HIBADH: variants seen among roughly 807,000 people sequenced by gnomAD.
HIBADH encodes 3-hydroxyisobutyrate dehydrogenase, mitochondrial.
In HIBADH, 25 loss-of-function variants were observed where a neutral mutation model predicts 36.1. The ratio of observed to expected loss-of-function variants is 0.69; its 90% confidence interval spans 0.50 to 0.97. The LOEUF is 0.97. Among genes scored for constraint, HIBADH ranks in the 50% least tolerant of loss-of-function variants. HIBADH has a pLI of 0.00. For missense variants in HIBADH, 421 were observed against 418.0 expected, an observed-to-expected ratio of 1.01 and a Z score of -0.06; for synonymous variants, 160 against 149.5, an observed-to-expected ratio of 1.07 and a Z score of -0.51.
chr7:27,554,582 T>A (rs1286860603), intron 4 of HIBADH, among the ~76,000 whole-genome samples: 1 of 152,184 alleles, frequency 6.6e-6, no homozygotes, highest in Non-Finnish European at 1.5e-5. Flanking sequence ...AAAACAGGCA[T>A]AATAATCATG....
chr7:27,649,263 T>G, intron 2 of HIBADH: 1 of 399,684 alleles, frequency 2.5e-6, no homozygotes, highest in Non-Finnish European at 4.4e-6. Context: ...CCAAGTCACC[T>G]GCCAAAGAAT....
At chr7:27,548,425 A>G (rs1339295734) in intron 4 of HIBADH, among the ~76,000 whole-genome samples, 7 of 152,110 alleles carry the variant, frequency 4.6e-5, no homozygotes, top group Admixed American at 3.9e-4. Flanking sequence ...AGGTGGGGGA[A>G]GGGATAAGGA....
At chr7:27,624,670 AAAT>A (rs1785609857) in intron 4 of HIBADH, among the ~76,000 whole-genome samples, 1 of 152,208 alleles carries the variant, frequency 6.6e-6, no homozygotes, top group African/African-American at 2.4e-5. Flanking sequence ...GAACTCTAGA[AAAT>A]ATTATTTCCT....
At position 27,581,923 on chromosome 7, in the gene HIBADH, T is replaced by C. The variant is rs572807705; in HGVS notation, c.485-38823A>G. ...ACACAGATCCTCTAGAAAAAAAATA[T>C]AGTACTTGATTTTAGTCCCCAACTT... On this transcript the variant is annotated intron_variant, in intron 4 of 7. Coordinates refer to ENST00000265395, the MANE Select transcript of HIBADH (RefSeq NM_152740.4). Among the ~76,000 whole-genome samples, 30 of 152,136 alleles carry C rather than the reference T, an allele frequency of 2.0e-4. No individual in the cohort carries two copies. The South Asian group carries it at 3.7e-3, about 19-fold the overall frequency.
intron 4 of HIBADH, among the ~76,000 whole-genome samples, chr7:27,603,280 A>C (rs911689579): frequency 6.6e-6 from 1 of 152,228 alleles, no homozygotes; most frequent in Non-Finnish European, 1.5e-5. Flanking sequence ...GCTGCATTTT[A>C]CCAGGCTAAC....
At chr7:27,649,441 A>T (rs778743923) in intron 2 of HIBADH, 32 bp downstream of exon 2, 1 of 1,536,092 alleles carries the variant, frequency 6.5e-7, no homozygotes, top group Non-Finnish European at 8.8e-7. Context: ...TCATTCTCAA[A>T]ATCTAAAACA....
intron 1 of HIBADH, among the ~76,000 whole-genome samples, chr7:27,652,631 G>A (rs1752754034): frequency 6.6e-6 from 1 of 152,234 alleles, no homozygotes; most frequent in African/African-American, 2.4e-5. Flanking sequence ...ACATGAAGGT[G>A]ACAGCAGATC....
At chr7:27,607,872 C>G (rs925909718) in intron 4 of HIBADH, among the ~76,000 whole-genome samples, 3 of 152,090 alleles carry the variant, frequency 2.0e-5, no homozygotes, top group Admixed American at 6.6e-5. Context: ...GCTGTAAAAG[C>G]CAATTAACTA....
intron 7 of HIBADH, among the ~76,000 whole-genome samples, chr7:27,529,783 C>T (rs554491979): frequency 6.6e-6 from 1 of 152,318 alleles, no homozygotes; most frequent in Non-Finnish European, 1.5e-5. Flanking sequence ...TGCTATCAAA[C>T]AGTAGCACAT....
chr7:27,633,181 T>C (rs1201090750), intron 2 of HIBADH, among the ~76,000 whole-genome samples: 2 of 152,124 alleles, frequency 1.3e-5, no homozygotes, highest in East Asian at 1.9e-4. Flanking sequence ...CAAAGGAAAA[T>C]TGCGCTGTCT....
At chr7:27,527,917 CGTTTTTTTTTTT>C (rs1231495940) in intron 7 of HIBADH, among the ~76,000 whole-genome samples, 2 of 77,024 alleles carry the variant, frequency 2.6e-5, no homozygotes, top group Non-Finnish European at 2.4e-5. Flanking sequence ...CCACACCCAG[CGTTTTTTTTTTT>C]TTTTTTTTTT....
chr7:27,593,666 A>C (rs1167259069), intron 4 of HIBADH, among the ~76,000 whole-genome samples: 1 of 152,130 alleles, frequency 6.6e-6, no homozygotes, highest in Admixed American at 6.5e-5. Flanking sequence ...GTATTAACCA[A>C]ATGTTTAATA....
At chr7:27,538,298 A>G (rs759259415) in intron 6 of HIBADH, 43 bp downstream of exon 6, 1 of 1,385,202 alleles carries the variant, frequency 7.2e-7, no homozygotes, top group Non-Finnish European at 1.0e-6. Flanking sequence ...CAAATAGGAA[A>G]GCCTATAAAA....
chr7:27,639,894 G>A (rs1174203305), intron 2 of HIBADH, among the ~76,000 whole-genome samples: 1 of 152,110 alleles, frequency 6.6e-6, no homozygotes, highest in Admixed American at 6.6e-5. Context: ...ACTTATCAAA[G>A]TTTTTATTTC....
chr7:27,548,415 A>T (rs1784267130), intron 4 of HIBADH, among the ~76,000 whole-genome samples: 1 of 151,920 alleles, frequency 6.6e-6, no homozygotes, highest in South Asian at 2.1e-4. Context: ...TGGAGAATGG[A>T]GGTGGGGGAA....
Position 27,533,487 on chromosome 7 carries a change from G to A in HIBADH, c.696-2139C>T, listed in dbSNP as rs541495074. The stretch of plus-strand genomic sequence containing the variant: ...CACTTCCCTCCCCCTGCCCCCACCC[G>A]CAGCAAAGTGTATCATTAAAAAGAG... On this transcript the variant is annotated intron_variant, in intron 6 of 7. Transcript: ENST00000265395. 1.3e-4 allele frequency among the ~76,000 whole-genome samples: 19 copies of A among 151,782 alleles called. No individual in the cohort carries two copies. In the South Asian group the frequency reaches 1.3e-3, roughly 10 times the overall value.
intron 2 of HIBADH, among the ~76,000 whole-genome samples, chr7:27,636,900 G>A (rs1360066347): frequency 6.6e-6 from 1 of 152,154 alleles, no homozygotes; most frequent in Non-Finnish European, 1.5e-5. Flanking sequence ...TCCTAGTTTG[G>A]TTTTAATTTG....
chr7:27,584,060 G>A (rs1346714944), intron 4 of HIBADH, among the ~76,000 whole-genome samples: 1 of 151,946 alleles, frequency 6.6e-6, no homozygotes, highest in Non-Finnish European at 1.5e-5. Context: ...AAGAAAAGCT[G>A]ACCTCATATA....
chr7:27,629,609 T>C (rs1785711990), intron 3 of HIBADH, 117 bp from the exon 4 acceptor site: 1 of 624,620 alleles, frequency 1.6e-6, no homozygotes, highest in Non-Finnish European at 2.5e-6. Context: ...GATTTTAGTT[T>C]AGTATTAAAA....
Sources: gnomAD v4.1 joint callset for allele counts (sites outside exome capture counted in the v4.1 genomes callset) on GRCh38, gnomAD v4.1.1 for gene constraint, MANE v1.5 for transcripts, NCBI Gene and HGNC (gene_info 2026-07-23, HGNC 2026-07-21) for gene names.